SRRM4: variants seen among roughly 807,000 people sequenced by gnomAD.
SRRM4 encodes the protein serine/arginine repetitive matrix protein 4.
In SRRM4, 33 loss-of-function variants were observed where a neutral mutation model predicts 68.9. That is an observed-to-expected ratio of 0.48 (90% CI 0.36 to 0.64). The LOEUF (loss-of-function observed/expected upper bound fraction) is 0.64, where lower values mean the gene tolerates loss of function less well. Ranked by LOEUF, SRRM4 falls within the 30% of genes least tolerant of loss-of-function variation. The pLI is 0.00. For missense variants in SRRM4, 817 were observed against 827.1 expected (o/e 0.99, Z 0.15); for synonymous variants, 318 against 318.8 (o/e 1.00, Z 0.03).
chr12:119,104,787 G>A (rs189043016), intron 2 of SRRM4, among the ~76,000 whole-genome samples: 39 of 151,654 alleles, frequency 2.6e-4, no homozygotes, highest in African/African-American at 9.4e-4. Flanking sequence ...CCACTGTGTT[G>A]GAACCACTGC....
At chr12:119,022,124 CT>C (rs1482175607) in intron 1 of SRRM4, among the ~76,000 whole-genome samples, 2 of 151,568 alleles carry the variant, frequency 1.3e-5, no homozygotes, top group Admixed American at 1.3e-4. Flanking sequence ...CACCTGTTAC[CT>C]ATGTAACAAA....
intron 1 of SRRM4, among the ~76,000 whole-genome samples, chr12:119,038,976 T>G (rs943081834): frequency 6.6e-6 from 1 of 152,206 alleles, no homozygotes; most frequent in African/African-American, 2.4e-5. Context: ...TAAGAGCAGA[T>G]CTTGTCTACT....
intron 8 of SRRM4, among the ~76,000 whole-genome samples, chr12:119,132,548 A>G (rs761698707): frequency 6.6e-6 from 1 of 152,208 alleles, no homozygotes; most frequent in African/African-American, 2.4e-5. Context: ...TGGTTTTCCA[A>G]CAAGATATGT....
At chr12:119,036,321 G>A (rs996082275) in intron 1 of SRRM4, among the ~76,000 whole-genome samples, 1 of 152,092 alleles carries the variant, frequency 6.6e-6, no homozygotes, top group South Asian at 2.1e-4. Context: ...TTGATAGCCC[G>A]CTCTGGCTTC....
chr12:119,037,113 A>C (rs1029488802), intron 1 of SRRM4: 1 of 151,374 alleles, frequency 6.6e-6, no homozygotes, highest in Non-Finnish European at 1.5e-5. Flanking sequence ...TAGCTCCACC[A>C]TTTTTCCTGG....
At chr12:119,137,578 G>C (rs928399306) in intron 8 of SRRM4, among the ~76,000 whole-genome samples, 1 of 138,272 alleles carries the variant, frequency 7.2e-6, no homozygotes. Context: ...ATGAGGCGAG[G>C]TTTGGAGTGG....
At chr12:119,031,964 T>A (rs963120936) in intron 1 of SRRM4, among the ~76,000 whole-genome samples, 1 of 152,234 alleles carries the variant, frequency 6.6e-6, no homozygotes, top group Non-Finnish European at 1.5e-5. Flanking sequence ...ATTTACTTTA[T>A]AATTTCTTCT....
chr12:119,130,898 C>T, intron 8 of SRRM4, 64 bp downstream of exon 8: 2 of 1,524,080 alleles, frequency 1.3e-6, no homozygotes, highest in Non-Finnish European at 1.8e-6. Flanking sequence ...TGTGGAGGCA[C>T]AAGTTCAGGG....
chr12:119,161,434 T>C lies in SRRM4; in HGVS notation c.*4636T>C, dbSNP rs1183515747. The C allele has an allele frequency of 2.0e-5, 3 of 152,264 alleles. No individual in the cohort carries two copies. Among genetic ancestry groups the C allele is most frequent in the South Asian group, 4.1e-4 (2 of 4,826 alleles). 9.4% of individuals were successfully genotyped at this position (152,264 alleles called of 1,614,324 possible). ...GCCAATGATACTGACAGAAATGTCA[T>C]CTCTCTTCTATCTGTGGTTGCTGTT... On this transcript the variant is annotated 3_prime_UTR_variant, in exon 13 of 13. Transcript: ENST00000267260.
At chr12:119,079,478 G>A (rs559602388) in intron 1 of SRRM4, among the ~76,000 whole-genome samples, 1 of 152,286 alleles carries the variant, frequency 6.6e-6, no homozygotes, top group African/African-American at 2.4e-5. Flanking sequence ...TGAATAGCAG[G>A]GATACTTGTC....
intron 1 of SRRM4, among the ~76,000 whole-genome samples, chr12:118,984,982 G>T (rs1953272979): frequency 6.6e-6 from 1 of 152,186 alleles, no homozygotes; most frequent in African/African-American, 2.4e-5. Context: ...AGGTTGTAAG[G>T]ATTTAGTTAG....
At chr12:118,987,619 T>C (rs1953290609) in intron 1 of SRRM4, among the ~76,000 whole-genome samples, 1 of 152,208 alleles carries the variant, frequency 6.6e-6, no homozygotes, top group Non-Finnish European at 1.5e-5. Flanking sequence ...AGTTTTCTCA[T>C]CCATAAAATG....
In SRRM4 at chr12:119,154,529, T is replaced by C. The variant is rs1351249486; in HGVS notation, c.1532+146T>C. On this transcript the variant is annotated intron_variant, in intron 12 of 12. Transcript: ENST00000267260. The surrounding 1 kb of genome is among the most constrained non-coding windows in gnomAD (Gnocchi z 4.7). Reference sequence around the variant, plus strand: ...TATGGTCCCCCCAACCCCAACATCATTGAAATTACGTGTCTGTTCAAAGCC... The same window carrying C: ...TATGGTCCCCCCAACCCCAACATCACTGAAATTACGTGTCTGTTCAAAGCC... 1.7e-5 allele frequency: 15 copies of C among 893,782 alleles called. No homozygotes were observed. The highest frequency in any genetic ancestry group is 2.5e-5 in the Non-Finnish European group (15 of 593,106). 55.4% of individuals were successfully genotyped at this position (893,782 alleles called of 1,614,324 possible). A position where few individuals can be genotyped will look rare whatever the true frequency, so the allele number is the denominator to read the frequency against.
At chr12:118,992,599 A>C (rs950540196) in intron 1 of SRRM4, among the ~76,000 whole-genome samples, 1 of 152,248 alleles carries the variant, frequency 6.6e-6, no homozygotes, top group African/African-American at 2.4e-5. Context: ...GCAGTGGTGC[A>C]GGATTTATCA....
In SRRM4 at chr12:119,156,651, G is replaced by T; in HGVS notation, c.1689G>T (p.Arg563=). 1 of 1,582,434 alleles carries T rather than the reference G, an allele frequency of 6.3e-7. No individual in the cohort carries two copies. The highest frequency in any genetic ancestry group is 8.6e-7 in the Non-Finnish European group (1 of 1,166,070). Residue 563 remains arginine, a synonymous_variant, in exon 13 of 13, where the codon CGG becomes CGT. Coordinates refer to ENST00000267260, the MANE Select transcript of SRRM4 (RefSeq NM_194286.4). ...GGAGCCGGAGCCGGAGACGGAGCCG[G>T]ACCCGCACGAGCAGCAGCTCTAGCT... is the stretch of plus-strand genomic sequence containing the variant. ...RSRSRSRRRS[R]TRTSSSSSSR...
intron 8 of SRRM4, among the ~76,000 whole-genome samples, chr12:119,139,137 C>A (rs553157945): frequency 6.6e-6 from 1 of 152,278 alleles, no homozygotes; most frequent in East Asian, 1.9e-4. Flanking sequence ...CAAAAAGAAG[C>A]AAAGGAGAAC....
intron 1 of SRRM4, among the ~76,000 whole-genome samples, chr12:119,050,150 C>T (rs1000686362): frequency 1.3e-5 from 2 of 152,122 alleles, no homozygotes; most frequent in Non-Finnish European, 1.5e-5. Context: ...TGACAGCAAC[C>T]CTCTCCCACA....
At chr12:119,071,542 A>T (rs1953877719) in intron 1 of SRRM4, among the ~76,000 whole-genome samples, 1 of 152,232 alleles carries the variant, frequency 6.6e-6, no homozygotes, top group African/African-American at 2.4e-5. Flanking sequence ...CGATAAAATA[A>T]GTATACAATA....
chr12:119,081,339 T>C (rs1056472260), intron 1 of SRRM4, among the ~76,000 whole-genome samples: 4 of 152,136 alleles, frequency 2.6e-5, no homozygotes, highest in African/African-American at 9.7e-5. Context: ...AAAAAGGTCA[T>C]ATTTGAGCAA....
Sources: gnomAD v4.1 joint callset for allele counts (sites outside exome capture counted in the v4.1 genomes callset) on GRCh38, gnomAD v4.1.1 for gene constraint, Gnocchi (gnomAD v3.1) non-coding constraint, MANE v1.5 for transcripts, NCBI Gene and HGNC (gene_info 2026-07-23, HGNC 2026-07-21) for gene names.